GALNT2: variants seen among roughly 807,000 people sequenced by gnomAD.
The protein encoded by GALNT2 is UDP-GalNAc:polypeptide N-acetylgalactosaminyltransferase 2.
Under a neutral mutation model 81.4 loss-of-function variants are expected in GALNT2, and 31 were observed. That is an observed-to-expected ratio of 0.38 (90% confidence interval 0.29 to 0.51). The LOEUF is 0.51. Among genes scored for constraint, GALNT2 ranks in the 20% least tolerant of loss-of-function variants. The pLI is 0.87. For synonymous variants in GALNT2, 303 were observed against 287.4 expected (o/e 1.05, Z -0.55); for missense variants, 629 against 765.7 (o/e 0.82, Z 2.11).
chr1:230,263,220 A>C, intron 13 of GALNT2: 3 of 552,900 alleles, frequency 5.4e-6, no homozygotes, highest in East Asian at 3.0e-5. Context: ...CTGCCCTCCC[A>C]TGCTTCGGAG....
chr1:230,216,956 T>A (rs1286781242), intron 3 of GALNT2, among the ~76,000 whole-genome samples: 1 of 152,204 alleles, frequency 6.6e-6, no homozygotes, highest in African/African-American at 2.4e-5. Flanking sequence ...GTACTTGGAT[T>A]TAAAGTTTTA....
At chr1:230,107,068 C>A (rs1005557877) in intron 1 of GALNT2, among the ~76,000 whole-genome samples, 4 of 152,192 alleles carry the variant, frequency 2.6e-5, no homozygotes, top group African/African-American at 9.7e-5. Flanking sequence ...GAATTCCACG[C>A]TCCGCAGGTG....
chr1:230,239,141 T>A (rs1665120825), intron 6 of GALNT2, among the ~76,000 whole-genome samples: 1 of 152,212 alleles, frequency 6.6e-6, no homozygotes, highest in Admixed American at 6.5e-5. Flanking sequence ...TTACTGTTTG[T>A]CGGATTAGTA....
chr1:230,079,879 C>T (rs989816812), intron 1 of GALNT2, among the ~76,000 whole-genome samples: 5 of 152,190 alleles, frequency 3.3e-5, no homozygotes, highest in African/African-American at 1.2e-4. Context: ...GAGGCTCAGC[C>T]TCCATCTGCA....
At chr1:230,166,653 A>G (rs1292837947) in intron 1 of GALNT2, among the ~76,000 whole-genome samples, 2 of 152,212 alleles carry the variant, frequency 1.3e-5, no homozygotes, top group Admixed American at 6.5e-5. Context: ...GGTCTCTGCC[A>G]TCTGCTGTCT....
intron 10 of GALNT2, among the ~76,000 whole-genome samples, chr1:230,251,038 CTGTT>C (rs1238998023): frequency 3.9e-5 from 6 of 152,206 alleles, no homozygotes; most frequent in Middle Eastern, 3.4e-3. Context: ...ATTTGTTTTT[CTGTT>C]TGTTTGTTTT....
intron 3 of GALNT2, among the ~76,000 whole-genome samples, chr1:230,225,892 A>G (rs1032683039): frequency 6.6e-6 from 1 of 152,150 alleles, no homozygotes; most frequent in African/African-American, 2.4e-5. Context: ...TCAGATTCCC[A>G]GGTATCACCC....
chr1:230,205,340 GT>G (rs1201653412), intron 3 of GALNT2, among the ~76,000 whole-genome samples: 2 of 152,002 alleles, frequency 1.3e-5, no homozygotes, highest in Non-Finnish European at 2.9e-5. Context: ...TAGCTTTACA[GT>G]TTTTTTAGGG....
chr1:230,167,949 A>G lies in GALNT2; in HGVS notation c.127-10269A>G, dbSNP rs560892348. On this transcript the variant is annotated intron_variant, in intron 1 of 15. Transcript: ENST00000366672. ...TTTTACATAAATCACATGGGAAATA[A>G]TTTTCTAAAATACCCCCCCCTTTTT... Among the ~76,000 whole-genome samples the G allele has an allele frequency of 2.0e-3, 230 of 114,474 alleles. 1 individual carries two copies. The highest frequency in any genetic ancestry group is 0.019 in the Middle Eastern group (4 of 214). 75.1% of individuals were successfully genotyped at this position (114,474 alleles called of 152,430 possible).
chr1:230,154,952 G>C (rs1322116660), intron 1 of GALNT2, among the ~76,000 whole-genome samples: 1 of 152,142 alleles, frequency 6.6e-6, no homozygotes, highest in Non-Finnish European at 1.5e-5. Flanking sequence ...TGACATCCAA[G>C]GCCCCTTGCA....
Position 230,070,652 on chromosome 1 carries a change from G to T in GALNT2, c.126+3246G>T, listed in dbSNP as rs988096358. 4.6e-5 allele frequency among the ~76,000 whole-genome samples: 7 copies of T among 152,022 alleles called. No individual in the cohort carries two copies. Among genetic ancestry groups the T allele is most frequent in the Non-Finnish European group, 8.8e-5 (6 of 67,946 alleles). On this transcript the variant is annotated intron_variant, in intron 1 of 15. Coordinates refer to ENST00000366672, the MANE Select transcript of GALNT2 (RefSeq NM_004481.5). This position sits in a 1 kb window ranked among gnomAD's most constrained non-coding sequence, Gnocchi z 4.7. Reference sequence around the variant, plus strand: ...CACGAGTCCTGTGGCCCTTGCCCGAGAGTCCAAGGGTGGGGGACTTTGGGT... The same window carrying T: ...CACGAGTCCTGTGGCCCTTGCCCGATAGTCCAAGGGTGGGGGACTTTGGGT...
intron 11 of GALNT2, chr1:230,259,165 T>C (rs868816225): frequency 6.6e-6 from 1 of 152,244 alleles, no homozygotes; most frequent in Non-Finnish European, 1.5e-5. Context: ...TAATCTCCTA[T>C]ACAGGTTGAA....
intron 14 of GALNT2, among the ~76,000 whole-genome samples, chr1:230,269,220 G>T (rs374139631): frequency 3.0e-5 from 4 of 134,112 alleles, no homozygotes; most frequent in African/African-American, 1.2e-4. Flanking sequence ...GAGTTTGGCT[G>T]TGTTGCCCAG....
intron 1 of GALNT2, among the ~76,000 whole-genome samples, chr1:230,141,598 C>T (rs953474132): frequency 1.3e-5 from 2 of 152,060 alleles, no homozygotes; most frequent in Non-Finnish European, 2.9e-5. Flanking sequence ...CAGGGTTCAT[C>T]CATGTTGTAG....
chr1:230,194,283 G>A lies in GALNT2; in HGVS notation c.221-8854G>A, dbSNP rs140838685. On this transcript the variant is annotated intron_variant, in intron 2 of 15. Coordinates refer to ENST00000366672, the MANE Select transcript of GALNT2 (RefSeq NM_004481.5). ...CTGTGTAACCCAGGGAGCAGTGGCC[G>A]GGTAGTGGCTAGTCAGGACAGTGGG... Among the ~76,000 whole-genome samples, 859 of 152,310 alleles carry A rather than the reference G, an allele frequency of 5.6e-3. 7 individuals carry two copies. The highest frequency in any genetic ancestry group is 0.02 in the African/African-American group (819 of 41,576).
At chr1:230,188,541 CTT>C (rs1287147272) in intron 2 of GALNT2, among the ~76,000 whole-genome samples, 1 of 152,206 alleles carries the variant, frequency 6.6e-6, no homozygotes, top group Non-Finnish European at 1.5e-5. Flanking sequence ...CTCTAAAACT[CTT>C]TGATTCTGTT....
chr1:230,192,298 C>T (rs1663553907), intron 2 of GALNT2, among the ~76,000 whole-genome samples: 1 of 152,192 alleles, frequency 6.6e-6, no homozygotes, highest in African/African-American at 2.4e-5. Flanking sequence ...AACTTCTGTG[C>T]CTTAGTTTCC....
chr1:230,144,080 G>A (rs756471205), intron 1 of GALNT2, among the ~76,000 whole-genome samples: 32 of 152,312 alleles, frequency 2.1e-4, no homozygotes, highest in South Asian at 8.3e-4. Flanking sequence ...CAGCTGTGTC[G>A]TGGGAGGTGG....
intron 2 of GALNT2, among the ~76,000 whole-genome samples, chr1:230,194,109 A>G (rs1159830180): frequency 6.6e-6 from 1 of 152,202 alleles, no homozygotes; most frequent in East Asian, 1.9e-4. Context: ...TACGGGAGGG[A>G]GAAGAAATTC....
Sources: allele counts gnomAD v4.1 joint callset (sites outside exome capture counted in the v4.1 genomes callset), GRCh38; gene constraint gnomAD v4.1.1; non-coding constraint Gnocchi (gnomAD v3.1); transcripts MANE v1.5; gene names NCBI Gene and HGNC (gene_info 2026-07-23, HGNC 2026-07-21).